SNX8: variants seen among roughly 807,000 people sequenced by gnomAD.
SNX8 encodes sorting nexin-8.
In SNX8, 25 loss-of-function variants were observed where a neutral mutation model predicts 51.6. The observed-to-expected ratio is 0.48, with a 90% confidence interval of 0.35 to 0.68. The LOEUF (loss-of-function observed/expected upper bound fraction) is 0.68, where lower values mean the gene tolerates loss of function less well. Ranked by LOEUF, SNX8 falls within the 30% of genes least tolerant of loss-of-function variation. SNX8 has a pLI of 0.00. For missense variants in SNX8, 695 were observed against 624.0 expected, an observed-to-expected ratio of 1.11 and a Z score of -1.21; for synonymous variants, 324 against 277.0, an observed-to-expected ratio of 1.17 and a Z score of -1.68.
intron 1 of SNX8, among the ~76,000 whole-genome samples, chr7:2,321,019 C>A (rs1019150669): frequency 2.0e-5 from 3 of 152,098 alleles, no homozygotes; most frequent in Middle Eastern, 6.8e-3. Flanking sequence ...CTCTGTCTCA[C>A]AATAAATAAA....
At position 2,309,857 on chromosome 7, in the gene SNX8, G is replaced by A. The variant is rs754816883; in HGVS notation, c.94+4471C>T. On this transcript the variant is annotated intron_variant, in intron 1 of 10. Transcript: ENST00000222990. ...GGGTTGATGGGAGCCCAGGGTGCAT[G>A]GAAGTCGCCCAGGCAAGAGGGGAAG... 1.0e-4 allele frequency: 48 copies of A among 471,166 alleles called. 1 individual carries two copies. Among genetic ancestry groups the A allele is most frequent in the Middle Eastern group, 6.5e-4 (2 of 3,074 alleles). The allele number at this position is 471,166 out of a possible 1,614,324, so 29.2% of individuals were successfully genotyped here.
chr7:2,261,198 C>T (rs1208047909), intron 7 of SNX8, among the ~76,000 whole-genome samples: 3 of 152,176 alleles, frequency 2.0e-5, no homozygotes, highest in African/African-American at 4.8e-5. Context: ...TTTGGGAGGC[C>T]GAGGCTGGCG....
chr7:2,254,816 GA>G lies in SNX8; in HGVS notation c.*239del. The G allele has an allele frequency of 1.8e-6, 1 of 568,602 alleles. No homozygotes were observed. The highest frequency in any genetic ancestry group is 3.2e-5 in the Admixed American group (1 of 31,452). 35.2% of individuals were successfully genotyped at this position (568,602 alleles called of 1,614,324 possible). On this transcript the variant is annotated 3_prime_UTR_variant, in exon 11 of 11. Coordinates refer to ENST00000222990, the MANE Select transcript of SNX8 (RefSeq NM_013321.4). ...GGTGTCAGGAGGAAACCATTCCAGA[GA>G]ACCCCACCACCTCTCTCGACCAGGC...
chr7:2,257,695 T>C, intron 8 of SNX8, 40 bp downstream of exon 8: 1 of 1,602,736 alleles, frequency 6.2e-7, no homozygotes, highest in Admixed American at 1.7e-5. Context: ...AGATCATTCC[T>C]GAAAGTTCTG....
intron 1 of SNX8, among the ~76,000 whole-genome samples, chr7:2,339,740 C>T (rs1444802519): frequency 6.6e-6 from 1 of 151,866 alleles, no homozygotes; most frequent in Non-Finnish European, 1.5e-5. Flanking sequence ...ATTTTCACTA[C>T]CAGATATCAG....
At chr7:2,278,039 T>C in intron 2 of SNX8, 61 bp downstream of exon 2, 1 of 1,570,322 alleles carries the variant, frequency 6.4e-7, no homozygotes, top group Non-Finnish European at 8.7e-7. Flanking sequence ...TGCCCTGAGA[T>C]GTTGAGACGT....
chr7:2,321,489 T>C (rs1369914912), intron 1 of SNX8, among the ~76,000 whole-genome samples: 1 of 145,750 alleles, frequency 6.9e-6, no homozygotes, highest in African/African-American at 2.5e-5. Context: ...TGCAGTGGCG[T>C]GATCTCAGCT....
intron 1 of SNX8, among the ~76,000 whole-genome samples, chr7:2,341,685 C>G (rs1778928744): frequency 6.6e-6 from 1 of 151,756 alleles, no homozygotes; most frequent in Non-Finnish European, 1.5e-5. Flanking sequence ...AAGCAAAAAC[C>G]AAAAACTAAA....
chr7:2,329,453 T>C (rs1778689712), intron 1 of SNX8, among the ~76,000 whole-genome samples: 1 of 152,204 alleles, frequency 6.6e-6, no homozygotes, highest in African/African-American at 2.4e-5. Flanking sequence ...TTGTTTTTCG[T>C]GCGGGGGCTC....
upstream of SNX8, chr7:2,354,359 G>A (rs1437987955): frequency 1.3e-5 from 2 of 152,262 alleles, no homozygotes; most frequent in Non-Finnish European, 2.9e-5. Context: ...ACACGGACAG[G>A]GGGGACTTTA....
At chr7:2,265,396 C>T (rs114119486) in intron 5 of SNX8, among the ~76,000 whole-genome samples, 2,081 of 152,220 alleles carry the variant, frequency 0.014, 44 homozygotes, top group African/African-American at 0.047. Flanking sequence ...TGTACCCCAG[C>T]GCTCTGGGAG....
intron 1 of SNX8, among the ~76,000 whole-genome samples, chr7:2,313,036 T>C (rs930234675): frequency 1.1e-4 from 17 of 152,048 alleles, no homozygotes; most frequent in Non-Finnish European, 5.9e-5. Flanking sequence ...TAGCTGGGAC[T>C]ACAGGCGCCC....
intron 1 of SNX8, among the ~76,000 whole-genome samples, chr7:2,278,738 C>G (rs71525368): frequency 0.34 from 23,368 of 69,046 alleles, 3,780 homozygotes; most frequent in African/African-American, 0.43. Context: ...CGGACTCACT[C>G]ACACTACGGA....
chr7:2,292,753 A>G (rs541967415), intron 1 of SNX8, among the ~76,000 whole-genome samples: 2 of 152,272 alleles, frequency 1.3e-5, no homozygotes, highest in Non-Finnish European at 2.9e-5. Flanking sequence ...GCACAGCAAC[A>G]AAAGAACAAA....
chr7:2,290,021 T>C (rs951480689), intron 1 of SNX8, among the ~76,000 whole-genome samples: 4 of 152,018 alleles, frequency 2.6e-5, no homozygotes, highest in Non-Finnish European at 5.9e-5. Flanking sequence ...GGTGAAACCC[T>C]ACCTCTACTA....
At chr7:2,340,419 G>A (rs1778900024) in intron 1 of SNX8, among the ~76,000 whole-genome samples, 1 of 147,098 alleles carries the variant, frequency 6.8e-6, no homozygotes, top group Non-Finnish European at 1.5e-5. Flanking sequence ...GTGGGAAAGG[G>A]TTTTTTTTTT....
intron 1 of SNX8, among the ~76,000 whole-genome samples, chr7:2,344,748 G>A (rs923466214): frequency 2.6e-5 from 4 of 151,868 alleles, no homozygotes; most frequent in Non-Finnish European, 4.4e-5. Context: ...GGATGAAACC[G>A]CATCTATACC....
At chr7:2,297,666 C>T (rs1042919720) in intron 1 of SNX8, among the ~76,000 whole-genome samples, 1 of 150,216 alleles carries the variant, frequency 6.7e-6, no homozygotes, top group African/African-American at 2.5e-5. Context: ...TGAGTAGATG[C>T]AGAAAATGTG....
At chr7:2,276,266 C>T (rs1448838435) in intron 2 of SNX8, among the ~76,000 whole-genome samples, 2 of 152,330 alleles carry the variant, frequency 1.3e-5, no homozygotes, top group South Asian at 2.1e-4. Context: ...AGGGGTGGCT[C>T]GCTCTGCTCC....
Sources: gnomAD v4.1 joint callset for allele counts (sites outside exome capture counted in the v4.1 genomes callset) on GRCh38, gnomAD v4.1.1 for gene constraint, MANE v1.5 for transcripts, NCBI Gene and HGNC (gene_info 2026-07-23, HGNC 2026-07-21) for gene names.